The following CNTN5 variants were observed in gnomAD, a reference collection of about 807,000 sequenced individuals.
CNTN5 encodes contactin-5.
A neutral mutation model predicts 129.1 loss-of-function variants in CNTN5; 77 were observed. The ratio of observed to expected loss-of-function variants is 0.60; its 90% CI spans 0.50 to 0.72. The LOEUF (loss-of-function observed/expected upper bound fraction) is 0.72. CNTN5 is among the 30% of genes least tolerant of loss of function. The probability of loss-of-function intolerance (pLI) is 0.00; values close to 1 mark genes in which losing one functional copy is unlikely to be tolerated. For missense variants in CNTN5, 1,478 were observed against 1,328.8 expected, an observed-to-expected ratio of 1.11 and a Z score of -1.75; for synonymous variants, 509 against 465.6, an observed-to-expected ratio of 1.09 and a Z score of -1.20.
intron 3 of CNTN5, among the ~76,000 whole-genome samples, chr11:99,756,647 A>C (rs1354386427): frequency 6.6e-6 from 1 of 152,140 alleles, no homozygotes; most frequent in Admixed American, 6.6e-5. Context: ...AAAGATGCTT[A>C]GGTAAATTTT....
At chr11:100,203,799 TACACACACAC>T (rs59141425) in intron 15 of CNTN5, among the ~76,000 whole-genome samples, 7 of 139,100 alleles carry the variant, frequency 5.0e-5, no homozygotes, top group South Asian at 2.4e-4. Flanking sequence ...AATGTGCACG[TACACACACAC>T]ACACACACAC....
At chr11:99,427,765 CAAAAAAAAAAAAAAAA>C (rs36085825) in intron 2 of CNTN5, among the ~76,000 whole-genome samples, 3 of 32,364 alleles carry the variant, frequency 9.3e-5, no homozygotes, top group Non-Finnish European at 2.1e-4. Flanking sequence ...GACTCAGTCT[CAAAAAAAAAAAAAAAA>C]AAAAAAAAAA....
intron 1 of CNTN5, among the ~76,000 whole-genome samples, chr11:99,089,544 A>C (rs1480440656): frequency 2.0e-5 from 3 of 152,182 alleles, no homozygotes; most frequent in Non-Finnish European, 4.4e-5. Flanking sequence ...AGTCCCAGAC[A>C]CCAGGGATCC....
At chr11:100,019,323 T>C (rs79652544) in intron 9 of CNTN5, among the ~76,000 whole-genome samples, 4,788 of 152,086 alleles carry the variant, frequency 0.031, 112 homozygotes, top group African/African-American at 0.075. Context: ...TTTTGTATGA[T>C]ACAGGTATGG....
intron 9 of CNTN5, among the ~76,000 whole-genome samples, chr11:100,022,112 C>T (rs946485163): frequency 6.6e-6 from 1 of 152,124 alleles, no homozygotes; most frequent in African/African-American, 2.4e-5. Context: ...CTGGCAACAC[C>T]CAGAAACACC....
intron 8 of CNTN5, among the ~76,000 whole-genome samples, chr11:99,987,635 T>C (rs952455837): frequency 6.6e-5 from 10 of 151,730 alleles, no homozygotes; most frequent in Non-Finnish European, 1.3e-4. Context: ...GGAAAGACTT[T>C]ACTGAAAAAG....
chr11:99,848,542 TGA>T (rs1446251083), intron 6 of CNTN5, among the ~76,000 whole-genome samples: 1 of 152,200 alleles, frequency 6.6e-6, no homozygotes, highest in Non-Finnish European at 1.5e-5. Flanking sequence ...ATATTGAATA[TGA>T]GTCTTAAATT....
Position 100,111,863 on chromosome 11 carries a change from T to A in CNTN5, c.1580+37569T>A, listed in dbSNP as rs923144028. ...TGTATGAATTTGACTATTTTGGATA[T>A]TTCATGTAAGTGGAATCATTAAGTA... On this transcript the variant is annotated intron_variant, in intron 13 of 24. Transcript: ENST00000524871. Among the ~76,000 whole-genome samples, 3 of 152,198 alleles carry A rather than the reference T, an allele frequency of 2.0e-5. No homozygotes were observed. In the East Asian group the frequency reaches 5.8e-4, roughly 29 times the overall value.
intron 7 of CNTN5, among the ~76,000 whole-genome samples, chr11:99,929,105 G>C (rs908649302): frequency 5.3e-5 from 8 of 152,136 alleles, no homozygotes; most frequent in Non-Finnish European, 1.2e-4. Flanking sequence ...CTAAAACATA[G>C]CAAGAGTCAC....
chr11:100,040,077 T>G (rs971661350), intron 9 of CNTN5, among the ~76,000 whole-genome samples: 1 of 151,892 alleles, frequency 6.6e-6, no homozygotes, highest in Non-Finnish European at 1.5e-5. Context: ...TTTCTGCTCT[T>G]TTTTTTTCCC....
intron 9 of CNTN5, among the ~76,000 whole-genome samples, chr11:100,029,603 A>G (rs998621880): frequency 1.3e-5 from 2 of 152,088 alleles, no homozygotes; most frequent in African/African-American, 4.8e-5. Context: ...AAAACATGCT[A>G]ATAGAATGCA....
chr11:99,762,977 A>T (rs2135288484), intron 3 of CNTN5, among the ~76,000 whole-genome samples: 1 of 152,240 alleles, frequency 6.6e-6, no homozygotes, highest in East Asian at 1.9e-4. Context: ...CCCAATAAAC[A>T]CATGTGACTT....
At chr11:99,859,239 T>C (rs1415988239) in intron 6 of CNTN5, among the ~76,000 whole-genome samples, 1 of 152,206 alleles carries the variant, frequency 6.6e-6, no homozygotes, top group African/African-American at 2.4e-5. Flanking sequence ...CTGAAAAGGA[T>C]CATATATCCT....
intron 20 of CNTN5, among the ~76,000 whole-genome samples, chr11:100,307,973 A>G (rs1951391137): frequency 6.6e-6 from 1 of 151,726 alleles, no homozygotes; most frequent in Admixed American, 6.6e-5. Flanking sequence ...GTAAATAAAT[A>G]GCTAAATAAA....
intron 1 of CNTN5, among the ~76,000 whole-genome samples, chr11:99,230,127 A>C (rs984290427): frequency 7.9e-5 from 12 of 151,984 alleles, no homozygotes; most frequent in African/African-American, 2.9e-4. Context: ...TCGATACTTA[A>C]AAGAGATTAG....
chr11:99,305,983 A>G (rs1864858149), intron 1 of CNTN5, among the ~76,000 whole-genome samples: 1 of 152,064 alleles, frequency 6.6e-6, no homozygotes, highest in Admixed American at 6.6e-5. Flanking sequence ...TCCGCCTCAA[A>G]AAAAAAAGAA....
chr11:99,372,947 G>A (rs1489361261), intron 2 of CNTN5, among the ~76,000 whole-genome samples: 1 of 152,230 alleles, frequency 6.6e-6, no homozygotes, highest in Non-Finnish European at 1.5e-5. Context: ...AGTGGCTCAC[G>A]CCTATAATCC....
At chr11:99,578,328 C>T (rs1473068862) in intron 3 of CNTN5, among the ~76,000 whole-genome samples, 4 of 151,368 alleles carry the variant, frequency 2.6e-5, no homozygotes, top group African/African-American at 7.3e-5. Flanking sequence ...ATTTATAATC[C>T]TTTGGGTATA....
At chr11:99,504,477 G>A (rs182273139) in intron 2 of CNTN5, among the ~76,000 whole-genome samples, 343 of 149,020 alleles carry the variant, frequency 2.3e-3, no homozygotes, top group African/African-American at 8.2e-3. Flanking sequence ...GGAGGCGGAG[G>A]GTGCAGTGAG....
Sources: allele counts gnomAD v4.1 joint callset (sites outside exome capture counted in the v4.1 genomes callset), GRCh38; gene constraint gnomAD v4.1.1; transcripts MANE v1.5; gene names NCBI Gene and HGNC (gene_info 2026-07-23, HGNC 2026-07-21).